CD200R1: variants seen among roughly 807,000 people sequenced by gnomAD.
The protein encoded by CD200R1 is cell surface glycoprotein CD200 receptor 1.
Under a neutral mutation model 38.1 loss-of-function variants are expected in CD200R1, and 30 were observed. The observed-to-expected ratio is 0.79, with a 90% CI of 0.59 to 1.07. The LOEUF is 1.07. CD200R1 is among the 50% of genes least tolerant of loss of function. The pLI is 0.00. For synonymous variants in CD200R1, 128 were observed against 152.1 expected (o/e 0.84, Z 1.16); for missense variants, 372 against 415.4 (o/e 0.90, Z 0.91).
chr3:112,967,843 A>G (rs1287672953), intron 1 of CD200R1, among the ~76,000 whole-genome samples: 1 of 152,230 alleles, frequency 6.6e-6, no homozygotes, highest in Non-Finnish European at 1.5e-5. Flanking sequence ...GAAGGTGTTC[A>G]AAACTCAGCT....
rs1559944434 is a variant in CD200R1 at position 112,929,075 on chromosome 3, GA to G, written c.521-12del. On this transcript the variant is annotated splice_polypyrimidine_tract_variant and intron_variant, in intron 4 of 7. Coordinates refer to ENST00000308611, the MANE Select transcript of CD200R1 (RefSeq NM_138806.4). ...TCACTTCAGGTGTAACTGCAGAGAG[GA>G]AAGAGGGAAAAAAATGCTTCGGTTT... 6.2e-7 allele frequency: 1 copy of G among 1,612,750 alleles called. No homozygotes were observed.
intron 5 of CD200R1, among the ~76,000 whole-genome samples, chr3:112,925,790 T>C (rs79736553): frequency 0.039 from 6,007 of 152,278 alleles, 261 homozygotes; most frequent in East Asian, 0.22. Flanking sequence ...AAGTTATCTA[T>C]ATTTATATCC....
chr3:112,925,214 G>T, intron 5 of CD200R1, 21 bp from the exon 6 acceptor site: 3 of 1,155,748 alleles, frequency 2.6e-6, no homozygotes, highest in South Asian at 1.3e-5. Context: ...AAAAATATAT[G>T]GTTCAAATGT....
chr3:112,953,676 G>A (rs764783149), intron 1 of CD200R1, among the ~76,000 whole-genome samples: 2 of 152,068 alleles, frequency 1.3e-5, no homozygotes, highest in Non-Finnish European at 2.9e-5. Flanking sequence ...ATCTTGGTAG[G>A]TTGTCTATGT....
chr3:112,924,764 T>A (rs1559942968), intron 6 of CD200R1, among the ~76,000 whole-genome samples: 1 of 152,076 alleles, frequency 6.6e-6, no homozygotes, highest in Admixed American at 6.6e-5. Flanking sequence ...AGAAGCTTGA[T>A]GCAATTGAAT....
intron 2 of CD200R1, among the ~76,000 whole-genome samples, chr3:112,932,643 C>T (rs1940475757): frequency 6.6e-6 from 1 of 152,032 alleles, no homozygotes. Flanking sequence ...AATCAGCAGC[C>T]CACACCAACA....
Position 112,974,825 on chromosome 3 carries a change from C to T in CD200R1, c.33G>A (p.Gly11=), listed in dbSNP as rs1416913738. 7 of 1,613,552 alleles carry T rather than the reference C, an allele frequency of 4.3e-6. No individual in the cohort carries two copies. The highest frequency in any genetic ancestry group is 5.1e-6 in the Non-Finnish European group (6 of 1,179,664). Residue 11 remains glycine (G), a synonymous_variant, in exon 1 of 8, where the codon GGG becomes GGA. Coordinates refer to ENST00000308611, the MANE Select transcript of CD200R1 (RefSeq NM_138806.4). Reference sequence around the variant, plus strand: ...AGAAGATAGTCAAAATCAACAGTAGCCCTAGGTTAGCAGTTCTCCAAGGGC... The same window carrying T: ...AGAAGATAGTCAAAATCAACAGTAGTCCTAGGTTAGCAGTTCTCCAAGGGC... The part of the protein sequence containing the change: MLCPWRTANL[G]LLLILTIFLV...
chr3:112,972,595 G>A (rs1361762034), intron 1 of CD200R1, among the ~76,000 whole-genome samples: 1 of 152,154 alleles, frequency 6.6e-6, no homozygotes, highest in East Asian at 1.9e-4. Flanking sequence ...TGTCCGGGAA[G>A]GGGACCAGGT....
chr3:112,959,660 T>G (rs1932964696), intron 1 of CD200R1, among the ~76,000 whole-genome samples: 1 of 152,070 alleles, frequency 6.6e-6, no homozygotes, highest in Non-Finnish European at 1.5e-5. Flanking sequence ...CAAATAAAAT[T>G]ATTTCACTCT....
chr3:112,973,066 T>C (rs1417407192), intron 1 of CD200R1, among the ~76,000 whole-genome samples: 1 of 152,244 alleles, frequency 6.6e-6, no homozygotes, highest in Non-Finnish European at 1.5e-5. Flanking sequence ...TTCCTAGTTG[T>C]GTTCAGAAAT....
chr3:112,960,048 A>G (rs894206207), intron 1 of CD200R1, among the ~76,000 whole-genome samples: 3 of 152,066 alleles, frequency 2.0e-5, no homozygotes, highest in Admixed American at 2.0e-4. Context: ...TACACAGTAT[A>G]TATTTCTCCT....
At chr3:112,953,452 G>A (rs1189399617) in intron 1 of CD200R1, among the ~76,000 whole-genome samples, 1 of 152,088 alleles carries the variant, frequency 6.6e-6, no homozygotes, top group Non-Finnish European at 1.5e-5. Flanking sequence ...GGGTGTGAGG[G>A]TAATTCTGGC....
At chr3:112,959,312 A>G (rs146812043) in intron 1 of CD200R1, among the ~76,000 whole-genome samples, 1 of 152,290 alleles carries the variant, frequency 6.6e-6, no homozygotes, top group Non-Finnish European at 1.5e-5. Context: ...ATACAAACAG[A>G]TAAGTTAGGA....
chr3:112,971,444 C>A (rs1933307500), intron 1 of CD200R1, among the ~76,000 whole-genome samples: 1 of 152,098 alleles, frequency 6.6e-6, no homozygotes, highest in Admixed American at 6.5e-5. Context: ...TCCTCCCTTC[C>A]TATACTGAAT....
rs575728478 is a variant in CD200R1, at chr3:112,953,825, GTCTC to G, written c.68-5905_68-5902del. On this transcript the variant is annotated intron_variant, in intron 1 of 7. Coordinates refer to ENST00000308611, the MANE Select transcript of CD200R1 (RefSeq NM_138806.4). ...TTTCATTCTCATTTTATGGATGTGA[GTCTC>G]TCTCTTTTTTTCTCAATTTATCAGC... Among the ~76,000 whole-genome samples, 15 of 152,088 alleles carry G rather than the reference GTCTC, an allele frequency of 9.9e-5. No individual in the cohort carries two copies. The East Asian group carries it at 1.7e-3, about 18-fold the overall frequency.
At chr3:112,959,150 C>T (rs1404547417) in intron 1 of CD200R1, among the ~76,000 whole-genome samples, 1 of 152,076 alleles carries the variant, frequency 6.6e-6, no homozygotes, top group Non-Finnish European at 1.5e-5. Flanking sequence ...ACCCCTAATT[C>T]GGTAACTATT....
intron 1 of CD200R1, among the ~76,000 whole-genome samples, chr3:112,959,018 C>T (rs1576150155): frequency 6.6e-6 from 1 of 152,018 alleles, no homozygotes; most frequent in Non-Finnish European, 1.5e-5. Flanking sequence ...AGAAACAGCA[C>T]ATGATTTTCT....
At chr3:112,966,886 C>T (rs1482131329) in intron 1 of CD200R1, among the ~76,000 whole-genome samples, 1 of 152,188 alleles carries the variant, frequency 6.6e-6, no homozygotes, top group Non-Finnish European at 1.5e-5. Flanking sequence ...TCACTCCCTC[C>T]TCAATACCAG....
intron 2 of CD200R1, among the ~76,000 whole-genome samples, chr3:112,938,188 C>G (rs945211288): frequency 1.3e-5 from 2 of 152,066 alleles, no homozygotes; most frequent in Non-Finnish European, 2.9e-5. Flanking sequence ...TTGTTTCTTT[C>G]TCTTGCATGA....
Sources: gnomAD v4.1 joint callset for allele counts (sites outside exome capture counted in the v4.1 genomes callset) on GRCh38, gnomAD v4.1.1 for gene constraint, MANE v1.5 for transcripts, NCBI Gene and HGNC (gene_info 2026-07-23, HGNC 2026-07-21) for gene names.